PTPN3: variants seen among roughly 807,000 people sequenced by gnomAD.
PTPN3 encodes the protein protein tyrosine phosphatase non-receptor type 3, also known as tyrosine-protein phosphatase non-receptor type 3.
In PTPN3, 96 loss-of-function variants were observed where a neutral mutation model predicts 132.7. The observed-to-expected ratio is 0.72, with a 90% CI of 0.61 to 0.86. PTPN3 has a LOEUF of 0.86. PTPN3 is among the 40% of genes least tolerant of loss of function. The pLI is 0.00. For synonymous variants in PTPN3, 398 were observed against 429.0 expected (o/e 0.93, Z 0.89); for missense variants, 1,125 against 1,159.6 (o/e 0.97, Z 0.43).
chr9:109,396,373 C>A (rs1179921917), intron 19 of PTPN3, among the ~76,000 whole-genome samples: 1 of 152,030 alleles, frequency 6.6e-6, no homozygotes, highest in Non-Finnish European at 1.5e-5. Context: ...TTTAAGAGAA[C>A]CTTCACTTTT....
intron 1 of PTPN3, among the ~76,000 whole-genome samples, chr9:109,494,621 G>A (rs558463683): frequency 1.3e-5 from 2 of 152,170 alleles, no homozygotes; most frequent in South Asian, 2.1e-4. Flanking sequence ...TTAGAACTAC[G>A]CTCCACAGTG....
chr9:109,429,760 G>A (rs1843531122), intron 10 of PTPN3, among the ~76,000 whole-genome samples: 1 of 152,124 alleles, frequency 6.6e-6, no homozygotes, highest in South Asian at 2.1e-4. Context: ...AGTACACCAA[G>A]GGCTGACTAT....
chr9:109,468,088 T>C (rs756910645), intron 1 of PTPN3, among the ~76,000 whole-genome samples: 6 of 152,140 alleles, frequency 3.9e-5, no homozygotes, highest in Non-Finnish European at 8.8e-5. Context: ...GTCGGGACAA[T>C]GGATGCTGAC....
chr9:109,510,602 T>C, the PTPN3 span, among the ~76,000 whole-genome samples: 3 of 140,938 alleles, frequency 2.1e-5, no homozygotes, highest in Non-Finnish European at 4.6e-5. Context: ...TATATATATA[T>C]ATATATGAAA....
intron 7 of PTPN3, among the ~76,000 whole-genome samples, chr9:109,442,920 G>T (rs1371863700): frequency 6.6e-6 from 1 of 152,052 alleles, no homozygotes; most frequent in African/African-American, 2.4e-5. Context: ...CAACAATAAA[G>T]AATTTTTAGT....
chr9:109,470,804 A>G, intron 1 of PTPN3, among the ~76,000 whole-genome samples: 1 of 152,220 alleles, frequency 6.6e-6, no homozygotes, highest in East Asian at 1.9e-4. Flanking sequence ...AGATATTAAA[A>G]AAATAGTGAC....
chr9:109,532,762 G>T, the PTPN3 span: 4 of 435,206 alleles, frequency 9.2e-6, no homozygotes, highest in Non-Finnish European at 1.4e-5. Flanking sequence ...ATTTCTTATT[G>T]CTGGAATTTC....
the PTPN3 span, among the ~76,000 whole-genome samples, chr9:109,514,208 C>T: frequency 6.6e-6 from 1 of 152,186 alleles, no homozygotes; most frequent in Non-Finnish European, 1.5e-5. Flanking sequence ...CAAATAGCCT[C>T]CCAATTGATC....
At chr9:109,440,975 C>T (rs1296403999) in intron 7 of PTPN3, among the ~76,000 whole-genome samples, 1 of 152,172 alleles carries the variant, frequency 6.6e-6, no homozygotes, top group African/African-American at 2.4e-5. Context: ...TCAATGATGT[C>T]ATCCCACTTG....
chr9:109,472,204 A>G (rs1016634932), intron 1 of PTPN3, among the ~76,000 whole-genome samples: 11 of 152,246 alleles, frequency 7.2e-5, no homozygotes, highest in African/African-American at 2.4e-4. Flanking sequence ...TTGATATTGC[A>G]TAACCAGATG....
At chr9:109,443,896 T>G (rs969758334) in intron 7 of PTPN3, among the ~76,000 whole-genome samples, 2 of 152,198 alleles carry the variant, frequency 1.3e-5, no homozygotes, top group African/African-American at 4.8e-5. Flanking sequence ...TGATGTCCCC[T>G]GCCCTCCACC....
rs749395266 is a variant in PTPN3, at chr9:109,378,101, C to T, written c.*1455G>A. ...TACCAGCAAACTATTCAATTGGCAC[C>T]GAATTTGCTGAATATCAAAATGGCT... On this transcript the variant is annotated 3_prime_UTR_variant, in exon 26 of 26. Transcript: ENST00000374541. 4 of 152,134 alleles carry T rather than the reference C, an allele frequency of 2.6e-5. No homozygotes were observed. Among genetic ancestry groups the T allele is most frequent in the Non-Finnish European group, 4.4e-5 (3 of 68,032 alleles). 9.4% of individuals were successfully genotyped at this position (152,134 alleles called of 1,614,324 possible). A position where few individuals can be genotyped will look rare whatever the true frequency, so the allele number is the denominator to read the frequency against.
intron 1 of PTPN3, among the ~76,000 whole-genome samples, chr9:109,478,683 A>G (rs1203935610): frequency 6.6e-6 from 1 of 152,218 alleles, no homozygotes; most frequent in Non-Finnish European, 1.5e-5. Flanking sequence ...AAAATCGCCA[A>G]GTTAACTGTG....
At chr9:109,471,142 C>T (rs1251704795) in intron 1 of PTPN3, among the ~76,000 whole-genome samples, 1 of 151,974 alleles carries the variant, frequency 6.6e-6, no homozygotes, top group Admixed American at 6.6e-5. Flanking sequence ...CTGCAACCTC[C>T]GTCTCCTGGG....
intron 1 of PTPN3, among the ~76,000 whole-genome samples, chr9:109,469,573 C>T (rs906775849): frequency 2.0e-5 from 3 of 152,144 alleles, no homozygotes; most frequent in South Asian, 2.1e-4. Flanking sequence ...GAGCCAAGAT[C>T]GCGCCATTGC....
the PTPN3 span, among the ~76,000 whole-genome samples, chr9:109,534,708 A>G: frequency 6.6e-6 from 1 of 150,870 alleles, no homozygotes; most frequent in African/African-American, 2.4e-5. Flanking sequence ...AGGCTGAGGC[A>G]GGAGAATCGC....
intron 4 of PTPN3, among the ~76,000 whole-genome samples, chr9:109,456,703 C>T (rs1244447268): frequency 1.3e-5 from 2 of 152,220 alleles, no homozygotes; most frequent in Non-Finnish European, 2.9e-5. Context: ...CTGGGATTCA[C>T]TCCTGAGAGA....
At chr9:109,431,057 A>G (rs1843628037) in intron 10 of PTPN3, among the ~76,000 whole-genome samples, 1 of 152,174 alleles carries the variant, frequency 6.6e-6, no homozygotes, top group Non-Finnish European at 1.5e-5. Context: ...TGGGGTCACC[A>G]TCTGGTGCTG....
At chr9:109,430,459 C>G (rs944091562) in intron 10 of PTPN3, among the ~76,000 whole-genome samples, 1 of 152,144 alleles carries the variant, frequency 6.6e-6, no homozygotes, top group Non-Finnish European at 1.5e-5. Flanking sequence ...GCTGTCAAAT[C>G]TGATTATGCA....
Sources: allele counts gnomAD v4.1 joint callset (sites outside exome capture counted in the v4.1 genomes callset), GRCh38; gene constraint gnomAD v4.1.1; transcripts MANE v1.5; gene names NCBI Gene and HGNC (gene_info 2026-07-23, HGNC 2026-07-21).